The following COL11A1 variants were observed in gnomAD, a reference collection of about 807,000 sequenced individuals.
COL11A1 encodes collagen type XI alpha 1 chain.
A neutral mutation model predicts 265.2 loss-of-function variants in COL11A1; 74 were observed. That is an observed-to-expected ratio of 0.28 (90% CI 0.23 to 0.34). The LOEUF (loss-of-function observed/expected upper bound fraction) is 0.34, where lower values mean the gene tolerates loss of function less well. Among genes scored for constraint, COL11A1 ranks in the 10% least tolerant of loss-of-function variants. The pLI is 1.00. For missense variants in COL11A1, 2,165 were observed against 2,263.6 expected, an observed-to-expected ratio of 0.96 and a Z score of 0.88; for synonymous variants, 816 against 727.6, an observed-to-expected ratio of 1.12 and a Z score of -1.96.
Position 103,031,180 on chromosome 1 carries a change from T to C in COL11A1, c.716A>G (p.Tyr239Cys), listed in dbSNP as rs753536197. The C allele has an allele frequency of 1.9e-6, 3 of 1,612,064 alleles. No homozygotes were observed. Among genetic ancestry groups the C allele is most frequent in the Non-Finnish European group, 2.5e-6 (3 of 1,179,646 alleles). Residue 239 changes from tyrosine to cysteine, a missense_variant, in exon 5 of 67, where the codon TAT (tyrosine) becomes TGT (cysteine). Physicochemically the swap from Tyr to Cys is radical, Grantham distance 194. Coordinates refer to ENST00000370096, the MANE Select transcript of COL11A1 (RefSeq NM_001854.4). ...TGCTGAAGAGTCACAGTCTGGACTA[T>C]AATGCTCACAGTAGTCATATGCTGC... ...PKAAYDYCEH[Y>C]SPDCDSSAPK...
intron 41 of COL11A1, among the ~76,000 whole-genome samples, chr1:102,961,348 T>C (rs1272118499): frequency 6.6e-6 from 1 of 152,200 alleles, no homozygotes; most frequent in Non-Finnish European, 1.5e-5. Context: ...GCATAATATA[T>C]AAGATTGTGC....
In COL11A1 at chr1:102,889,782, A is replaced by G. The variant is rs56747726; in HGVS notation, c.4357-220T>C. 0.019 allele frequency among the ~76,000 whole-genome samples: 2,854 copies of G among 152,240 alleles called. 81 individuals are homozygous for G. Among genetic ancestry groups the G allele is most frequent in the African/African-American group, 0.065 (2,702 of 41,544 alleles). ...CTTACTTTAAGTGAGGGCTTTATTAAGCATTGGAAATATTACAAAACAAAA... is the reference window on the plus strand; with the variant it reads ...CTTACTTTAAGTGAGGGCTTTATTAGGCATTGGAAATATTACAAAACAAAA... On this transcript the variant is annotated intron_variant, in intron 58 of 66. Transcript: ENST00000370096.
chr1:103,017,805 T>C lies in COL11A1; in HGVS notation c.1413+15A>G, dbSNP rs770531544. 3.1e-6 allele frequency: 5 copies of C among 1,606,458 alleles called. No homozygotes were observed. The highest frequency in any genetic ancestry group is 3.4e-6 in the Non-Finnish European group (4 of 1,173,070). ...GACATGCATTTGTAATGAGATATCA[T>C]GTCCATTCACTTACCCTATCGCCAG... is the stretch of plus-strand genomic sequence containing the variant. On this transcript the variant is annotated intron_variant, in intron 11 of 66. Transcript: ENST00000370096.
At chr1:102,987,427 T>G (rs957065184) in intron 30 of COL11A1, among the ~76,000 whole-genome samples, 39 of 152,038 alleles carry the variant, frequency 2.6e-4, no homozygotes, top group African/African-American at 9.2e-4. Context: ...AAGGTGTCAC[T>G]AAATACTTTC....
At chr1:102,911,975 C>G (rs576342080) in intron 54 of COL11A1, among the ~76,000 whole-genome samples, 184 bp downstream of exon 54, 3 of 152,108 alleles carry the variant, frequency 2.0e-5, no homozygotes, top group Non-Finnish European at 4.4e-5. Context: ...TTTATTGTGA[C>G]AGTGAAATAG....
intron 2 of COL11A1, among the ~76,000 whole-genome samples, chr1:103,080,449 T>C (rs1307609052): frequency 6.6e-6 from 1 of 151,880 alleles, no homozygotes; most frequent in Non-Finnish European, 1.5e-5. Flanking sequence ...ATTAAAAACA[T>C]GTAAGGAACT....
At chr1:103,011,671 T>C (rs1666140632) in intron 14 of COL11A1, among the ~76,000 whole-genome samples, 1 of 152,100 alleles carries the variant, frequency 6.6e-6, no homozygotes, top group South Asian at 2.1e-4. Flanking sequence ...ATTTTAACTT[T>C]CAGAATAATA....
chr1:103,050,868 C>A (rs530574123), intron 4 of COL11A1, among the ~76,000 whole-genome samples: 1 of 152,288 alleles, frequency 6.6e-6, no homozygotes, highest in East Asian at 1.9e-4. Context: ...GAGGTCCACT[C>A]CAGACACTGT....
intron 63 of COL11A1, among the ~76,000 whole-genome samples, chr1:102,886,304 TA>T: frequency 6.6e-6 from 1 of 152,150 alleles, no homozygotes; most frequent in Non-Finnish European, 1.5e-5. Context: ...GTGGCTCAAT[TA>T]AAGATACATT....
chr1:102,980,482 G>A (rs1166405491), intron 31 of COL11A1, among the ~76,000 whole-genome samples: 1 of 151,984 alleles, frequency 6.6e-6, no homozygotes, highest in Non-Finnish European at 1.5e-5. Flanking sequence ...TTAATTATGA[G>A]ACCCTGAAAA....
At chr1:102,880,869 T>C (rs1438298694) in intron 65 of COL11A1, among the ~76,000 whole-genome samples, 2 of 151,980 alleles carry the variant, frequency 1.3e-5, no homozygotes. Context: ...TCCACACACA[T>C]AGAGTTCTAT....
At chr1:102,913,527 G>T (rs1462221288) in intron 53 of COL11A1, 110 bp downstream of exon 53, 8 of 1,003,742 alleles carry the variant, frequency 8.0e-6, no homozygotes, top group Non-Finnish European at 1.2e-5. Flanking sequence ...TTTCAAAAAA[G>T]TGCATATACA....
intron 57 of COL11A1, among the ~76,000 whole-genome samples, chr1:102,895,023 C>T (rs1475090255): frequency 6.6e-6 from 1 of 150,450 alleles, no homozygotes. Flanking sequence ...TGTGTGTACA[C>T]CTATACACAT....
intron 24 of COL11A1, among the ~76,000 whole-genome samples, chr1:102,999,456 T>G (rs765292409): frequency 6.6e-6 from 1 of 151,862 alleles, no homozygotes; most frequent in Non-Finnish European, 1.5e-5. Context: ...ACTCAGAGAG[T>G]TATGTAACAT....
At position 102,995,844 on chromosome 1, in the gene COL11A1, TC is replaced by T; in HGVS notation, c.2340+19del. 5 of 1,584,342 alleles carry T rather than the reference TC, an allele frequency of 3.2e-6. No homozygotes were observed. Among genetic ancestry groups the T allele is most frequent in the Non-Finnish European group, 4.3e-6 (5 of 1,155,006 alleles). The stretch of plus-strand genomic sequence containing the variant: ...ACATAATACACAGAAATTAATACCA[TC>T]TAAACAATTAAATTTTACCTTTTCA... On this transcript the variant is annotated intron_variant, in intron 28 of 66. Transcript: ENST00000370096.
chr1:103,004,685 TTAGCATA>T, intron 18 of COL11A1, 24 bp from the exon 19 acceptor site: 1 of 1,590,348 alleles, frequency 6.3e-7, no homozygotes, highest in Non-Finnish European at 8.6e-7. Flanking sequence ...ACAAATAAGA[TTAGCATA>T]TGGAAAGAAG....
At chr1:103,031,357 T>C in intron 4 of COL11A1, 113 bp from the exon 5 acceptor site, 2 of 1,276,230 alleles carry the variant, frequency 1.6e-6, no homozygotes, top group Non-Finnish European at 2.2e-6. Context: ...AGAAGAAAAA[T>C]GACCTACTTA....
chr1:103,016,535 A>C, intron 11 of COL11A1, among the ~76,000 whole-genome samples: 1 of 151,988 alleles, frequency 6.6e-6, no homozygotes, highest in South Asian at 2.1e-4. Flanking sequence ...AGACATTTCT[A>C]CATAGCCATG....
intron 6 of COL11A1, 60 bp downstream of exon 6, chr1:103,026,156 A>T (rs1296352381): frequency 5.4e-6 from 7 of 1,285,716 alleles, no homozygotes; most frequent in Non-Finnish European, 8.0e-6. Context: ...AGTCAACATA[A>T]GGAACCACAG....
Sources: allele counts gnomAD v4.1 joint callset (sites outside exome capture counted in the v4.1 genomes callset), GRCh38; gene constraint gnomAD v4.1.1; transcripts MANE v1.5; gene names NCBI Gene and HGNC (gene_info 2026-07-23, HGNC 2026-07-21).